ZFAT: variants seen among roughly 807,000 people sequenced by gnomAD.
ZFAT encodes the protein zinc finger and AT-hook domain containing.
Under a neutral mutation model 117.7 loss-of-function variants are expected in ZFAT, and 64 were observed. The observed-to-expected ratio is 0.54, with a 90% CI of 0.44 to 0.67. The LOEUF is 0.67. Among genes scored for constraint, ZFAT ranks in the 30% least tolerant of loss-of-function variants. The pLI is 0.00. For synonymous variants in ZFAT, 679 were observed against 615.0 expected, an observed-to-expected ratio of 1.10 and a Z score of -1.54; for missense variants, 1,433 against 1,584.5, an observed-to-expected ratio of 0.90 and a Z score of 1.62.
intron 15 of ZFAT, among the ~76,000 whole-genome samples, chr8:134,494,632 C>T (rs566214317): frequency 6.6e-6 from 1 of 152,334 alleles, no homozygotes. Context: ...ACGGAGCTGG[C>T]AGGACCCAGG....
chr8:134,708,794 A>G (rs929884712), intron 1 of ZFAT, among the ~76,000 whole-genome samples: 15 of 152,102 alleles, frequency 9.9e-5, no homozygotes, highest in African/African-American at 3.6e-4. Context: ...CTCTACTAAA[A>G]GTACAAAATT....
At chr8:134,491,318 T>C (rs1818043672) in intron 15 of ZFAT, among the ~76,000 whole-genome samples, 1 of 152,264 alleles carries the variant, frequency 6.6e-6, no homozygotes, top group African/African-American at 2.4e-5. Context: ...CAAGTCACAA[T>C]GTGCTCTTGG....
At chr8:134,653,424 T>C (rs1273648340) in intron 2 of ZFAT, among the ~76,000 whole-genome samples, 4 of 135,456 alleles carry the variant, frequency 3.0e-5, no homozygotes, top group African/African-American at 1.1e-4. Context: ...TATCTGTTTT[T>C]TTTTTTTTTT....
chr8:134,805,869 T>A, the ZFAT span, among the ~76,000 whole-genome samples: 1 of 151,980 alleles, frequency 6.6e-6, no homozygotes, highest in African/African-American at 2.4e-5. Flanking sequence ...TCCCAGCTAT[T>A]CGGGAGGCTG....
the ZFAT span, among the ~76,000 whole-genome samples, chr8:134,727,781 A>G: frequency 6.6e-6 from 1 of 152,174 alleles, no homozygotes; most frequent in Non-Finnish European, 1.5e-5. Flanking sequence ...GCCCCATGAA[A>G]GCAGCCAAAG....
At chr8:134,809,070 G>T in the ZFAT span, among the ~76,000 whole-genome samples, 2 of 152,108 alleles carry the variant, frequency 1.3e-5, no homozygotes, top group Non-Finnish European at 2.9e-5. Context: ...TGGTGTTATT[G>T]GTGCTTAGAC....
At chr8:134,784,665 T>C in the ZFAT span, 1 of 152,196 alleles carries the variant, frequency 6.6e-6, no homozygotes, top group Non-Finnish European at 1.5e-5. Flanking sequence ...CTTTTTAGTC[T>C]AATTGTTTTA....
At chr8:134,645,413 T>G (rs1193237503) in intron 2 of ZFAT, among the ~76,000 whole-genome samples, 5 of 152,212 alleles carry the variant, frequency 3.3e-5, no homozygotes, top group African/African-American at 1.2e-4. Context: ...TTTGTCATGT[T>G]AAGAGGCTGA....
chr8:134,550,674 T>A (rs141827741), intron 11 of ZFAT, among the ~76,000 whole-genome samples: 1 of 152,302 alleles, frequency 6.6e-6, no homozygotes, highest in East Asian at 1.9e-4. Flanking sequence ...TAATTTAACA[T>A]AAAACAATCC....
At chr8:134,777,950 A>G in the ZFAT span, among the ~76,000 whole-genome samples, 1 of 152,122 alleles carries the variant, frequency 6.6e-6, no homozygotes, top group Non-Finnish European at 1.5e-5. Flanking sequence ...CAAATGCAAA[A>G]CACTCTTCTT....
At chr8:134,660,247 AG>A (rs1464460478) in intron 1 of ZFAT, among the ~76,000 whole-genome samples, 6 of 152,244 alleles carry the variant, frequency 3.9e-5, no homozygotes, top group Non-Finnish European at 8.8e-5. Context: ...GGCAAGAGGC[AG>A]GGACCAGATT....
chr8:134,602,568 A>G lies in ZFAT; in HGVS notation c.1151T>C (p.Val384Ala). 6.2e-7 allele frequency: 1 copy of G among 1,613,904 alleles called. No individual in the cohort carries two copies. Among genetic ancestry groups the G allele is most frequent in the Non-Finnish European group, 8.5e-7 (1 of 1,180,000 alleles). The change falls in exon 6 of 16, where the codon GTC becomes GCC. Residue 384 changes from valine to alanine, a missense_variant. By Grantham distance (64) the Val-to-Ala change is moderately conservative (BLOSUM62 0). Around this residue, in one of 5 missense-constraint regions of ZFAT, gnomAD observed 436 missense variants for 482.0 expected, o/e 0.90. Coordinates refer to ENST00000377838, the MANE Select transcript of ZFAT (RefSeq NM_020863.4). ...GCAGAGCTCGTCCAAGGCCTCTTTGACCTTCTTGTCCTGTGGGTCATGCGC... is the reference window on the plus strand; with the variant it reads ...GCAGAGCTCGTCCAAGGCCTCTTTGGCCTTCTTGTCCTGTGGGTCATGCGC... Reference protein sequence around the residue: ...RDAHDPQDKKVKEALDELCLM... With the variant: ...RDAHDPQDKKAKEALDELCLM...
chr8:134,671,365 G>A (rs908148104), intron 1 of ZFAT, among the ~76,000 whole-genome samples: 1 of 152,172 alleles, frequency 6.6e-6, no homozygotes, highest in African/African-American at 2.4e-5. Flanking sequence ...TAAAATACTG[G>A]CAAACCGAAT....
At chr8:134,695,377 C>G (rs1373279023) in intron 1 of ZFAT, among the ~76,000 whole-genome samples, 2 of 147,122 alleles carry the variant, frequency 1.4e-5, no homozygotes, top group Non-Finnish European at 2.9e-5. Context: ...CCAGGCCCTC[C>G]GTCCGTAACT....
At chr8:134,696,685 A>T in intron 1 of ZFAT, 4 of 891,548 alleles carry the variant, frequency 4.5e-6, no homozygotes, top group Non-Finnish European at 5.4e-6. Context: ...TGATTGGCCC[A>T]GAATGAGCAC....
intron 2 of ZFAT, among the ~76,000 whole-genome samples, chr8:134,650,043 T>C (rs1563726222): frequency 6.6e-6 from 1 of 152,154 alleles, no homozygotes; most frequent in Non-Finnish European, 1.5e-5. Flanking sequence ...CTTTGCCTTC[T>C]ACCATGACTG....
chr8:134,478,916 G>A lies in ZFAT; in HGVS notation c.3493-195C>T, dbSNP rs1817091372. 1.3e-5 allele frequency among the ~76,000 whole-genome samples: 2 copies of A among 152,190 alleles called. No homozygotes were observed. The highest frequency in any genetic ancestry group is 2.9e-5 in the Non-Finnish European group (2 of 68,038). On this transcript the variant is annotated intron_variant, in intron 15 of 15. Coordinates refer to ENST00000377838, the MANE Select transcript of ZFAT (RefSeq NM_020863.4). This position sits in a 1 kb window ranked among gnomAD's most constrained non-coding sequence, Gnocchi z 5.2. ...GAACAGAATGAGGTTCAGCAATGTAGGGCAACGTGGTCAGGGTCCCCAGCC... is the reference window on the plus strand; with the variant it reads ...GAACAGAATGAGGTTCAGCAATGTAAGGCAACGTGGTCAGGGTCCCCAGCC...
chr8:134,661,241 G>C (rs943511975), intron 1 of ZFAT, among the ~76,000 whole-genome samples: 3 of 152,214 alleles, frequency 2.0e-5, no homozygotes, highest in African/African-American at 4.8e-5. Context: ...ACAGAGTGTC[G>C]TGGAGGCAGG....
intron 11 of ZFAT, among the ~76,000 whole-genome samples, chr8:134,545,940 C>G (rs1457917051): frequency 1.3e-5 from 2 of 152,048 alleles, no homozygotes; most frequent in Non-Finnish European, 2.9e-5. Flanking sequence ...AATGTATGAC[C>G]AAATGGGTAA....
Sources: allele counts gnomAD v4.1 joint callset (sites outside exome capture counted in the v4.1 genomes callset), GRCh38; gene constraint gnomAD v4.1.1; regional missense constraint gnomAD v4.1.1; non-coding constraint Gnocchi (gnomAD v3.1); transcripts MANE v1.5; gene names NCBI Gene and HGNC (gene_info 2026-07-23, HGNC 2026-07-21).